Variants in GEMIN5 observed in about 807,000 individuals in gnomAD.
The protein encoded by GEMIN5 is gem-associated protein 5.
GEMIN5 carries 124 observed loss-of-function variants against 176.9 expected under a neutral mutation model. The ratio of observed to expected loss-of-function variants is 0.70; its 90% CI spans 0.61 to 0.81. The LOEUF (loss-of-function observed/expected upper bound fraction) is 0.81, where lower values mean the gene tolerates loss of function less well. Among genes scored for constraint, GEMIN5 ranks in the 40% least tolerant of loss-of-function variants. The probability of loss-of-function intolerance (pLI) is 0.00; values close to 1 mark genes in which losing one functional copy is unlikely to be tolerated. For missense variants in GEMIN5, 1,843 were observed against 1,814.6 expected (o/e 1.02, Z -0.28); for synonymous variants, 673 against 665.2 (o/e 1.01, Z -0.18).
intron 9 of GEMIN5, among the ~76,000 whole-genome samples, chr5:154,922,000 T>C (rs545395806): frequency 1.3e-5 from 2 of 152,352 alleles, no homozygotes; most frequent in South Asian, 4.1e-4. Flanking sequence ...TAAATTATCA[T>C]ACATTCTTTG....
Position 154,898,560 on chromosome 5 carries a change from A to T in GEMIN5, c.3225T>A (p.Ala1075=). Residue 1075 remains alanine, a synonymous_variant, in exon 23 of 28, where the codon GCT becomes GCA. Transcript: ENST00000285873. ...ACAACTCATCCTCTCCTACGATGGC[A>T]GCCAACTCTGCAGCCGTTCTAAGTG... ...AASLRTAAEL[A]AIVGEDELSA... The T allele has an allele frequency of 6.2e-7, 1 of 1,614,120 alleles. No homozygotes were observed. Among genetic ancestry groups the T allele is most frequent in the Non-Finnish European group, 8.5e-7 (1 of 1,179,952 alleles).
At chr5:154,896,564 G>A (rs1763357087) in intron 23 of GEMIN5, among the ~76,000 whole-genome samples, 1 of 152,140 alleles carries the variant, frequency 6.6e-6, no homozygotes, top group Non-Finnish European at 1.5e-5. Flanking sequence ...TATCCTTAGA[G>A]CTCAAGAAAC....
At position 154,902,557 on chromosome 5, in the gene GEMIN5, C is replaced by G. The variant is rs763897055; in HGVS notation, c.2848G>C (p.Val950Leu). The change falls in exon 20 of 28, where the codon GTG (valine) becomes CTG (leucine). Residue 950 changes from valine (V) to leucine (L), a missense_variant. Physicochemically the swap from Val to Leu is conservative, Grantham distance 32 (BLOSUM62 1). Coordinates refer to ENST00000285873, the MANE Select transcript of GEMIN5 (RefSeq NM_015465.5). ...AERGELTDNL[V>L]AMAPAAGYHV... ...ACCATACCTGCTGGTGCCATAGCCACAAGGTTGTCTGTCAGCTCCCCTCTT... is the reference window on the plus strand; with the variant it reads ...ACCATACCTGCTGGTGCCATAGCCAGAAGGTTGTCTGTCAGCTCCCCTCTT... 11 of 1,614,120 alleles carry G rather than the reference C, an allele frequency of 6.8e-6. No individual in the cohort carries two copies. The highest frequency in any genetic ancestry group is 9.3e-6 in the Non-Finnish European group (11 of 1,179,978).
At chr5:154,893,255 T>TAAAAA (rs70981957) in intron 24 of GEMIN5, among the ~76,000 whole-genome samples, 5 of 85,668 alleles carry the variant, frequency 5.8e-5, no homozygotes, top group African/African-American at 2.5e-4. Flanking sequence ...AGCCCGTCTC[T>TAAAAA]AAAAAAAAAA....
intron 15 of GEMIN5, among the ~76,000 whole-genome samples, chr5:154,911,032 T>C (rs4354100): frequency 0.83 from 126,595 of 152,140 alleles, 53,384 homozygotes; most frequent in Non-Finnish European, 0.91. Context: ...GTCCCAGATT[T>C]GGTCAGTGGG....
intron 20 of GEMIN5, among the ~76,000 whole-genome samples, chr5:154,901,780 C>T (rs1368366557): frequency 5.3e-5 from 2 of 37,878 alleles, no homozygotes; most frequent in East Asian, 9.6e-4. Context: ...AACATGACTA[C>T]GTGCTTTTTT....
rs1763224089 is a variant in GEMIN5, at chr5:154,891,443, T to C, written c.4060A>G (p.Ser1354Gly). 3 of 1,614,162 alleles carry C rather than the reference T, an allele frequency of 1.9e-6. No homozygotes were observed. Among genetic ancestry groups the C allele is most frequent in the East Asian group, 2.2e-5 (1 of 44,884 alleles). ...RLTEEGERML[S>G]TFKELFSEKH... ...TCTGAAAAGAGCTCCTTAAAAGTAC[T>C]CAGCATTCGCTCACCTTCTTCTGTG... The change falls in exon 26 of 28, where the codon AGT becomes GGT. Residue 1354 changes from serine to glycine, a missense_variant. Ser to Gly is a moderately conservative substitution (Grantham distance 56). Coordinates refer to ENST00000285873, the MANE Select transcript of GEMIN5 (RefSeq NM_015465.5).
Position 154,917,928 on chromosome 5 carries a change from T to C in GEMIN5, c.1673+3A>G, listed in dbSNP as rs1342334081. 2.5e-6 allele frequency: 4 copies of C among 1,589,520 alleles called. No individual in the cohort carries two copies. The highest frequency in any genetic ancestry group is 3.5e-6 in the Non-Finnish European group (4 of 1,157,872). On this transcript the variant is annotated splice_donor_region_variant and intron_variant, in intron 12 of 27. Transcript: ENST00000285873. The stretch of plus-strand genomic sequence containing the variant: ...TTTTTATCTTAAAGAAGCAAATACA[T>C]ACCCATCTTCATTGCCAAGAGCCAT...
At chr5:154,909,041 C>T (rs1004400460) in intron 15 of GEMIN5, among the ~76,000 whole-genome samples, 3 of 151,760 alleles carry the variant, frequency 2.0e-5, no homozygotes, top group African/African-American at 4.8e-5. Context: ...GGCAGCCTTA[C>T]TTGACCTTCC....
intron 23 of GEMIN5, among the ~76,000 whole-genome samples, chr5:154,898,217 A>G (rs1459548127): frequency 2.6e-5 from 4 of 152,180 alleles, no homozygotes; most frequent in Non-Finnish European, 5.9e-5. Flanking sequence ...TGTTTTGTAC[A>G]AACAGATAAG....
Position 154,907,669 on chromosome 5 carries a change from C to T in GEMIN5, c.2317G>A (p.Val773Ile). Residue 773 changes from valine to isoleucine, a missense_variant, in exon 16 of 28, where the codon GTT becomes ATT. By Grantham distance (29) the Val-to-Ile change is conservative. Transcript: ENST00000285873. ...EESMKENSGP[V>I]ENGVSDQEGE... Reference sequence around the variant, plus strand: ...TCTTGGTCTGACACACCATTCTCAACAGGTCCTGAGTTCTCCTTCATGCTT... The same window carrying T: ...TCTTGGTCTGACACACCATTCTCAATAGGTCCTGAGTTCTCCTTCATGCTT... 1 of 1,614,162 alleles carries T rather than the reference C, an allele frequency of 6.2e-7. No individual in the cohort carries two copies. The highest frequency in any genetic ancestry group is 8.5e-7 in the Non-Finnish European group (1 of 1,180,018).
intron 16 of GEMIN5, 90 bp downstream of exon 16, chr5:154,907,501 A>G (rs1763591640): frequency 2.4e-6 from 2 of 837,050 alleles, no homozygotes; most frequent in East Asian, 5.1e-5. Flanking sequence ...AAAAATGGGA[A>G]CAGCGAAGTT....
intron 11 of GEMIN5, among the ~76,000 whole-genome samples, chr5:154,918,284 G>C (rs963219169): frequency 6.6e-6 from 1 of 152,154 alleles, no homozygotes; most frequent in African/African-American, 2.4e-5. Context: ...TAATTAAACT[G>C]ATCTGTGCCC....
At position 154,920,408 on chromosome 5, in the gene GEMIN5, T is replaced by C. The variant is rs563753394; in HGVS notation, c.1463-305A>G. On this transcript the variant is annotated intron_variant, in intron 10 of 27. Coordinates refer to ENST00000285873, the MANE Select transcript of GEMIN5 (RefSeq NM_015465.5). Reference sequence around the variant, plus strand: ...AAGCTGGGATCAGAAAACAAACATATATGTTCTCAAAAGCTTCTGAGAATT... The same window carrying C: ...AAGCTGGGATCAGAAAACAAACATACATGTTCTCAAAAGCTTCTGAGAATT... Among the ~76,000 whole-genome samples the C allele has an allele frequency of 1.8e-3, 274 of 152,334 alleles. 3 individuals are homozygous for C. The highest frequency in any genetic ancestry group is 5.5e-4 in the African/African-American group (23 of 41,584).
intron 5 of GEMIN5, among the ~76,000 whole-genome samples, chr5:154,930,191 A>G (rs1372852555): frequency 6.6e-6 from 1 of 151,864 alleles, no homozygotes; most frequent in Non-Finnish European, 1.5e-5. Context: ...TTACCCCGGC[A>G]CTCTCTTTAA....
Position 154,907,838 on chromosome 5 carries a change from G to A in GEMIN5, c.2168-20C>T, listed in dbSNP as rs112376134. On this transcript the variant is annotated intron_variant, in intron 15 of 27. Transcript: ENST00000285873. Reference sequence around the variant, plus strand: ...TTTTGCCTACAAGAATCACAATAAAGGACTGACTAAAGTATACATTCTTGG... The same window carrying A: ...TTTTGCCTACAAGAATCACAATAAAAGACTGACTAAAGTATACATTCTTGG... 1.8e-4 allele frequency: 281 copies of A among 1,558,744 alleles called. 6 individuals carry two copies. In the African/African-American group the frequency reaches 2.8e-3, roughly 16 times the overall value.
intron 13 of GEMIN5, among the ~76,000 whole-genome samples, chr5:154,913,895 G>A (rs1055102870): frequency 6.6e-6 from 1 of 152,174 alleles, no homozygotes; most frequent in African/African-American, 2.4e-5. Context: ...CAACTACTCA[G>A]GAGACTGAGG....
At chr5:154,921,468 A>T in intron 9 of GEMIN5, 43 bp from the exon 10 acceptor site, 2 of 859,914 alleles carry the variant, frequency 2.3e-6, no homozygotes, top group East Asian at 5.3e-5. Context: ...GATTTAAACA[A>T]AAAGGCATAA....
At chr5:154,908,531 C>T (rs1230536772) in intron 15 of GEMIN5, among the ~76,000 whole-genome samples, 2 of 152,170 alleles carry the variant, frequency 1.3e-5, no homozygotes, top group Non-Finnish European at 2.9e-5. Flanking sequence ...TCACATGGTA[C>T]ATTTGGTTGC....
Sources: allele counts gnomAD v4.1 joint callset (sites outside exome capture counted in the v4.1 genomes callset), GRCh38; gene constraint gnomAD v4.1.1; transcripts MANE v1.5; gene names NCBI Gene and HGNC (gene_info 2026-07-23, HGNC 2026-07-21).